The following IL15 variants were observed in gnomAD, a reference collection of about 807,000 sequenced individuals.
IL15 encodes the protein interleukin 15, also known as interleukin-15.
Under a neutral mutation model 19.6 loss-of-function variants are expected in IL15, and 11 were observed. The observed-to-expected ratio is 0.56, with a 90% CI of 0.35 to 0.93. The LOEUF (loss-of-function observed/expected upper bound fraction) is 0.93. Ranked by LOEUF, IL15 falls within the 40% of genes least tolerant of loss-of-function variation. IL15 has a pLI of 0.01. For synonymous variants in IL15, 58 were observed against 59.6 expected (o/e 0.97, Z 0.12); for missense variants, 197 against 186.5 (o/e 1.06, Z -0.33).
At chr4:141,646,978 A>G (rs920289992) in intron 1 of IL15, among the ~76,000 whole-genome samples, 10 of 152,132 alleles carry the variant, frequency 6.6e-5, no homozygotes, top group African/African-American at 2.4e-4. Context: ...ACAAAAATGA[A>G]TGAGGGAATG....
chr4:141,675,863 A>G (rs1275182551), intron 2 of IL15, among the ~76,000 whole-genome samples: 1 of 152,212 alleles, frequency 6.6e-6, no homozygotes, highest in Non-Finnish European at 1.5e-5. Context: ...TGTAGCTTTT[A>G]TGTGGGTACA....
Position 141,727,938 on chromosome 4 carries a change from A to T in IL15, c.196-2A>T. On this transcript the variant is annotated splice_acceptor_variant, in intron 5 of 7. Transcript: ENST00000320650. LOFTEE classifies it high-confidence loss of function. Reference sequence around the variant, plus strand: ...ATATTGTCTAATTTTGTTTCCTTTCAGTCTATGCATATTGATGCTACTTTA... The same window carrying T: ...ATATTGTCTAATTTTGTTTCCTTTCTGTCTATGCATATTGATGCTACTTTA... 8.0e-7 allele frequency: 1 copy of T among 1,250,008 alleles called. No homozygotes were observed. The highest frequency in any genetic ancestry group is 1.1e-6 in the Non-Finnish European group (1 of 870,710). The allele number at this position is 1,250,008 out of a possible 1,614,324, so 77.4% of individuals were successfully genotyped here.
intron 2 of IL15, among the ~76,000 whole-genome samples, chr4:141,703,227 C>T (rs774980137): frequency 1.3e-5 from 2 of 152,194 alleles, no homozygotes; most frequent in Non-Finnish European, 2.9e-5. Flanking sequence ...CTCCTCCTCT[C>T]GTCTGCCCTC....
intron 2 of IL15, among the ~76,000 whole-genome samples, chr4:141,663,274 A>G (rs1221541698): frequency 1.3e-5 from 2 of 152,224 alleles, no homozygotes; most frequent in Non-Finnish European, 2.9e-5. Context: ...GAACTGACAA[A>G]CTATTTATGC....
At chr4:141,645,430 A>G (rs950981617) in intron 1 of IL15, among the ~76,000 whole-genome samples, 2 of 152,084 alleles carry the variant, frequency 1.3e-5, no homozygotes, top group Admixed American at 1.3e-4. Flanking sequence ...GAAACTACTT[A>G]TTTCTTGGAG....
chr4:141,700,001 C>T (rs1024914306), intron 2 of IL15, among the ~76,000 whole-genome samples: 1 of 151,918 alleles, frequency 6.6e-6, no homozygotes. Flanking sequence ...TCACTGCAAT[C>T]CCCATCTCCC....
intron 4 of IL15, 111 bp downstream of exon 4, chr4:141,720,677 A>T (rs552304090): frequency 1.4e-6 from 1 of 726,544 alleles, no homozygotes; most frequent in African/African-American, 1.8e-5. Context: ...ATCTCTAGGT[A>T]CTCAGTATCT....
intron 2 of IL15, among the ~76,000 whole-genome samples, chr4:141,664,299 C>T (rs1727891052): frequency 6.8e-6 from 1 of 146,962 alleles, no homozygotes; most frequent in African/African-American, 2.5e-5. Context: ...ATAGGAAAAA[C>T]AGAGATAAAT....
chr4:141,733,535 T>G lies in IL15; in HGVS notation c.*687T>G, dbSNP rs2152195358. 1 of 152,368 alleles carries G rather than the reference T, an allele frequency of 6.6e-6. No homozygotes were observed. Among genetic ancestry groups the G allele is most frequent in the South Asian group, 2.1e-4 (1 of 4,830 alleles). 9.4% of individuals were successfully genotyped at this position (152,368 alleles called of 1,614,324 possible). On this transcript the variant is annotated 3_prime_UTR_variant, in exon 8 of 8. Coordinates refer to ENST00000320650, the MANE Select transcript of IL15 (RefSeq NM_000585.5). ...CTGATAGGTAGAATGGTGTGCAAGC[T>G]TGTCCAATCACGGATTGCAGGCCAC... is the stretch of plus-strand genomic sequence containing the variant.
intron 2 of IL15, among the ~76,000 whole-genome samples, chr4:141,705,848 A>T (rs1183437516): frequency 1.3e-5 from 2 of 151,780 alleles, no homozygotes; most frequent in Non-Finnish European, 2.9e-5. Context: ...ACCTCTTTTT[A>T]CAGTTTTTGA....
chr4:141,673,026 C>G (rs551249717), intron 2 of IL15, among the ~76,000 whole-genome samples: 204 of 152,316 alleles, frequency 1.3e-3, no homozygotes, highest in African/African-American at 4.6e-3. Context: ...GCTTTTCTTT[C>G]TTCCTCACTA....
chr4:141,730,984 A>G (rs966329359), intron 7 of IL15, among the ~76,000 whole-genome samples: 1 of 152,150 alleles, frequency 6.6e-6, no homozygotes, highest in African/African-American at 2.4e-5. Flanking sequence ...GACACAGGGT[A>G]GGGGCACTGG....
chr4:141,688,007 C>T (rs184801879), intron 2 of IL15, among the ~76,000 whole-genome samples: 87 of 152,250 alleles, frequency 5.7e-4, no homozygotes, highest in African/African-American at 2.0e-3. Context: ...CTTGTCAAGA[C>T]GACAGTTCTC....
chr4:141,711,591 T>A (rs930971014), intron 2 of IL15, among the ~76,000 whole-genome samples: 2 of 152,088 alleles, frequency 1.3e-5, no homozygotes, highest in African/African-American at 4.8e-5. Flanking sequence ...ATACACAAGG[T>A]TTCTGACCAC....
At chr4:141,699,771 T>C (rs1025219623) in intron 2 of IL15, among the ~76,000 whole-genome samples, 1 of 152,212 alleles carries the variant, frequency 6.6e-6, no homozygotes, top group African/African-American at 2.4e-5. Context: ...GTGGCTGTTT[T>C]ATCCATTCTG....
chr4:141,660,528 C>T (rs1011554288), intron 2 of IL15, among the ~76,000 whole-genome samples: 4 of 152,080 alleles, frequency 2.6e-5, no homozygotes, highest in African/African-American at 9.7e-5. Context: ...GAAAATATCA[C>T]CAGGTGCCGT....
At chr4:141,644,284 C>T (rs1050631319) in intron 1 of IL15, among the ~76,000 whole-genome samples, 1 of 151,972 alleles carries the variant, frequency 6.6e-6, no homozygotes, top group African/African-American at 2.4e-5. Flanking sequence ...AGCCATAAAA[C>T]AAGAACAAAA....
chr4:141,719,621 T>C (rs9282742), intron 3 of IL15, 145 bp downstream of exon 3: 8,002 of 644,638 alleles, frequency 0.012, 121 homozygotes, highest in Admixed American at 0.05. Context: ...ATTGTTCTTA[T>C]TTTGAAAATA....
chr4:141,656,232 A>C lies in IL15; in HGVS notation c.-175A>C, dbSNP rs889818328. The C allele has an allele frequency of 1.3e-5, 5 of 398,332 alleles. No homozygotes were observed. The highest frequency in any genetic ancestry group is 1.0e-4 in the African/African-American group (5 of 48,626). The allele number at this position is 398,332 out of a possible 1,614,324, so 24.7% of individuals were successfully genotyped here. A position where few individuals can be genotyped will look rare whatever the true frequency, so the allele number is the denominator to read the frequency against. ...ATGTGGCTCTTTGGAGCAATGTTCC[A>C]TCATGTTCCATGCTGCTGACGTCAC... is the stretch of plus-strand genomic sequence containing the variant. On this transcript the variant is annotated 5_prime_UTR_variant, in exon 2 of 8. Transcript: ENST00000320650.
Sources: gnomAD v4.1 joint callset for allele counts (sites outside exome capture counted in the v4.1 genomes callset) on GRCh38, gnomAD v4.1.1 for gene constraint, MANE v1.5 for transcripts, NCBI Gene and HGNC (gene_info 2026-07-23, HGNC 2026-07-21) for gene names.